The following AGPAT3 variants were observed in gnomAD, a reference collection of about 807,000 sequenced individuals.
AGPAT3 encodes 1-acylglycerol-3-phosphate O-acyltransferase 3, also known as 1-acyl-sn-glycerol-3-phosphate acyltransferase gamma.
A neutral mutation model predicts 47.3 loss-of-function variants in AGPAT3; 5 were observed. The observed-to-expected ratio is 0.11, with a 90% CI of 0.06 to 0.22. The LOEUF is 0.22. AGPAT3 is among the 10% of genes least tolerant of loss of function. The pLI is 1.00. For missense variants in AGPAT3, 315 were observed against 493.0 expected (o/e 0.64, Z 3.42); for synonymous variants, 212 against 208.3 (o/e 1.02, Z -0.15).
intron 3 of AGPAT3, chr21:43,960,570 T>C (rs907862354): frequency 1.2e-5 from 2 of 172,678 alleles, no homozygotes; most frequent in Non-Finnish European, 2.3e-5. Context: ...TGCAAAAGTA[T>C]GCAACTGGAC....
At position 43,932,398 on chromosome 21, in the gene AGPAT3, C is replaced by T. The variant is rs938144923; in HGVS notation, c.-48-27236C>T. Among the ~76,000 whole-genome samples, 3 of 152,156 alleles carry T rather than the reference C, an allele frequency of 2.0e-5. No homozygotes were observed. The highest frequency in any genetic ancestry group is 1.9e-4 in the East Asian group (1 of 5,194). On this transcript the variant is annotated intron_variant, in intron 2 of 9. Coordinates refer to ENST00000291572, the MANE Select transcript of AGPAT3 (RefSeq NM_020132.5). The surrounding 1 kb of genome is among the most constrained non-coding windows in gnomAD (Gnocchi z 5.2). The stretch of plus-strand genomic sequence containing the variant: ...GACTGGCTGATTATCCACTTAGTGT[C>T]GGGTCTACCACGTTTGTCTGTGATG...
At chr21:43,966,200 T>A (rs376544454) in intron 3 of AGPAT3, 6 of 152,392 alleles carry the variant, frequency 3.9e-5, no homozygotes, top group African/African-American at 1.4e-4. Context: ...AGGTGACCTT[T>A]GGATGGGACC....
intron 2 of AGPAT3, among the ~76,000 whole-genome samples, chr21:43,941,086 G>A (rs545449759): frequency 1.3e-5 from 2 of 152,328 alleles, no homozygotes; most frequent in African/African-American, 2.4e-5. Context: ...ATGGTACCAG[G>A]TGGTGCAGGG....
chr21:43,865,858 C>T (rs912206787), intron 1 of AGPAT3, among the ~76,000 whole-genome samples: 38 of 152,132 alleles, frequency 2.5e-4, no homozygotes, highest in Admixed American at 2.1e-3. Flanking sequence ...GCCTCCTCCT[C>T]GCGCGCCCAG....
intron 3 of AGPAT3, 46 bp from the exon 4 acceptor site, chr21:43,967,900 A>C: frequency 6.3e-7 from 1 of 1,590,548 alleles, no homozygotes; most frequent in Non-Finnish European, 8.6e-7. Flanking sequence ...TGACCATCCC[A>C]GGAGGAGGGG....
At chr21:43,911,909 C>T (rs2146099009) in intron 2 of AGPAT3, among the ~76,000 whole-genome samples, 1 of 152,368 alleles carries the variant, frequency 6.6e-6, no homozygotes, top group South Asian at 2.1e-4. Context: ...CACTGCCTGC[C>T]TGGCACCCCC....
At chr21:43,956,149 C>T (rs2088452002) in intron 2 of AGPAT3, among the ~76,000 whole-genome samples, 2 of 152,116 alleles carry the variant, frequency 1.3e-5, no homozygotes. Flanking sequence ...TGCAGGGCGG[C>T]CCCCACCCTG....
At chr21:43,979,988 AAG>A (rs1308763533) in intron 8 of AGPAT3, among the ~76,000 whole-genome samples, 4 of 152,172 alleles carry the variant, frequency 2.6e-5, no homozygotes, top group Admixed American at 2.6e-4. Context: ...CCATCTTTAA[AAG>A]AGAGCGGGTC....
At chr21:43,967,865 G>A (rs2089206159) in intron 3 of AGPAT3, 81 bp from the exon 4 acceptor site, 1 of 1,418,532 alleles carries the variant, frequency 7.0e-7, no homozygotes, top group East Asian at 2.4e-5. Context: ...CAAAAATACT[G>A]TAGGTGTCTC....
chr21:43,977,484 A>G (rs927508863), intron 7 of AGPAT3, among the ~76,000 whole-genome samples: 5 of 152,208 alleles, frequency 3.3e-5, no homozygotes, highest in Admixed American at 6.5e-5. Context: ...GCCACCCTGC[A>G]CAGAAGGCCA....
chr21:43,959,448 TGTG>T (rs1341645502), intron 2 of AGPAT3, among the ~76,000 whole-genome samples, 183 bp from the exon 3 acceptor site: 15 of 145,368 alleles, frequency 1.0e-4, no homozygotes, highest in Non-Finnish European at 1.4e-4. Context: ...TGGTTTGCAG[TGTG>T]GTGTGTGTGG....
At chr21:43,971,613 A>C in intron 7 of AGPAT3, 123 bp downstream of exon 7, 1 of 847,476 alleles carries the variant, frequency 1.2e-6, no homozygotes, top group Non-Finnish European at 1.9e-6. Flanking sequence ...GGTGGAACTC[A>C]CACGGAAGGC....
chr21:43,944,929 C>T (rs538125889), intron 2 of AGPAT3, among the ~76,000 whole-genome samples: 8 of 152,344 alleles, frequency 5.3e-5, no homozygotes, highest in East Asian at 1.9e-4. Context: ...CTCCCCAGCC[C>T]GCCTGGAGAC....
At chr21:43,893,429 C>T (rs62228699) in intron 1 of AGPAT3, among the ~76,000 whole-genome samples, 31 of 152,140 alleles carry the variant, frequency 2.0e-4, no homozygotes, top group African/African-American at 7.0e-4. Context: ...TCAGCAATAA[C>T]GCTGTTTCAT....
rs544381800 is a variant in AGPAT3 at position 43,916,931 on chromosome 21, C to T, written c.-49+12912C>T. Among the ~76,000 whole-genome samples the T allele has an allele frequency of 8.5e-5, 13 of 152,250 alleles. No individual in the cohort carries two copies. The South Asian group carries it at 2.5e-3, about 29-fold the overall frequency. On this transcript the variant is annotated intron_variant, in intron 2 of 9. Coordinates refer to ENST00000291572, the MANE Select transcript of AGPAT3 (RefSeq NM_020132.5). ...AAGTTGGAGTCTTGTTTGTGGCCGC[C>T]TCGTGCTCGTGTCTGTATCTAAGAT...
At position 43,934,571 on chromosome 21, in the gene AGPAT3, G is replaced by A. The variant is rs2087368344; in HGVS notation, c.-48-25063G>A. 6.6e-6 allele frequency among the ~76,000 whole-genome samples: 1 copy of A among 152,222 alleles called. No homozygotes were observed. The highest frequency in any genetic ancestry group is 6.5e-5 in the Admixed American group (1 of 15,288). On this transcript the variant is annotated intron_variant, in intron 2 of 9. Transcript: ENST00000291572. This position sits in a 1 kb window ranked among gnomAD's most constrained non-coding sequence, Gnocchi z 4.7. ...TCCTTTAGGCCCCGTGGGGTAACCA[G>A]AAGGTAAGACTAGGAGGTGTGCGAT...
rs1396662576 is a variant in AGPAT3 at position 43,982,660 on chromosome 21, C to T, written c.*268C>T. On this transcript the variant is annotated 3_prime_UTR_variant, in exon 10 of 10. Transcript: ENST00000291572. The surrounding 1 kb of genome is among the most constrained non-coding windows in gnomAD (Gnocchi z 6.2). ...GAGGCCTCCCGCGGACGCCGTCTCT[C>T]CAGAACTCCGCTTCCAAGAGGGAGC... The T allele has an allele frequency of 6.9e-6, 2 of 289,452 alleles. No individual in the cohort carries two copies. The highest frequency in any genetic ancestry group is 8.0e-5 in the East Asian group (1 of 12,424). The allele number at this position is 289,452 out of a possible 1,614,324, so 17.9% of individuals were successfully genotyped here. A position where few individuals can be genotyped will look rare whatever the true frequency, so the allele number is the denominator to read the frequency against.
intron 1 of AGPAT3, among the ~76,000 whole-genome samples, chr21:43,889,036 A>G (rs2086043850): frequency 6.6e-6 from 1 of 152,086 alleles, no homozygotes; most frequent in Admixed American, 6.6e-5. Context: ...TTATCTGTAC[A>G]TTATTTCAGA....
intron 2 of AGPAT3, among the ~76,000 whole-genome samples, chr21:43,926,673 A>G (rs1226695162): frequency 8.0e-6 from 1 of 125,040 alleles, no homozygotes; most frequent in Non-Finnish European, 1.6e-5. Context: ...TTTAATAAAA[A>G]GGAGGGCTGG....
Sources: allele counts gnomAD v4.1 joint callset (sites outside exome capture counted in the v4.1 genomes callset), GRCh38; gene constraint gnomAD v4.1.1; non-coding constraint Gnocchi (gnomAD v3.1); transcripts MANE v1.5; gene names NCBI Gene and HGNC (gene_info 2026-07-23, HGNC 2026-07-21).